Variants in MCF2 observed in about 807,000 individuals in gnomAD.
MCF2 encodes proto-oncogene DBL.
Under a neutral mutation model 82.5 loss-of-function variants are expected in MCF2, and 44 were observed. That is an observed-to-expected ratio of 0.53 (90% confidence interval 0.42 to 0.69). The LOEUF is 0.69. Ranked by LOEUF, MCF2 falls within the 30% of genes least tolerant of loss-of-function variation. MCF2 has a pLI of 0.00. For synonymous variants in MCF2, 217 were observed against 224.9 expected (o/e 0.96, Z 0.32); for missense variants, 623 against 663.1 (o/e 0.94, Z 0.66).
At chrX:139,629,501 G>A (rs781049226) in intron 4 of MCF2, among the ~76,000 whole-genome samples, 194 bp downstream of exon 7, 2 of 111,564 alleles carry the variant, frequency 1.8e-5, no homozygotes, top group African/African-American at 3.3e-5. Context: ...CACCATTTAC[G>A]GAGGGGACAC....
intron 1 of MCF2, among the ~76,000 whole-genome samples, chrX:139,674,301 G>A (rs1353043613): frequency 9.0e-6 from 1 of 111,601 alleles, no homozygotes; most frequent in Non-Finnish European, 1.9e-5. Context: ...TCTTTTAATT[G>A]GAGCATTTAG....
At chrX:139,630,972 T>C (rs1305882147) in intron 3 of MCF2, among the ~76,000 whole-genome samples, 1 of 112,149 alleles carries the variant, frequency 8.9e-6, no homozygotes, top group Non-Finnish European at 1.9e-5. Flanking sequence ...TTAAGATCCC[T>C]GTGAGGTAAG....
upstream of MCF2, chrX:139,646,829 C>A (rs773466407): frequency 4.0e-5 from 47 of 1,180,629 alleles, no homozygotes; most frequent in Non-Finnish European, 5.0e-5. Context: ...TTTGCTATTA[C>A]TTCCTCTGGT....
intron 1 of MCF2, among the ~76,000 whole-genome samples, chrX:139,696,477 G>A (rs1194706351): frequency 1.8e-5 from 2 of 110,861 alleles, no homozygotes; most frequent in South Asian, 3.9e-4. Context: ...AGGCTGGAGC[G>A]CAGTGGCGCA....
chrX:139,581,976 A>G (rs747549426), exon 25 of MCF2: 23 of 124,578 alleles, frequency 1.8e-4, no homozygotes, highest in Admixed American at 4.2e-4. Flanking sequence ...GCCCTGAACA[A>G]AATTTACTCA....
chrX:139,616,595 G>T, intron 8 of MCF2, 122 bp from the exon 12 acceptor site: 3 of 335,908 alleles, frequency 8.9e-6, no homozygotes, highest in Non-Finnish European at 1.5e-5. Context: ...TTTCAGAGCT[G>T]TTAAAAAAAA....
intron 1 of MCF2, among the ~76,000 whole-genome samples, chrX:139,673,083 A>AT (rs1172559256): frequency 2.9e-4 from 32 of 111,296 alleles, no homozygotes; most frequent in African/African-American, 9.8e-4. Context: ...TTTCTTCTAG[A>AT]TTTTCTAGTT....
chrX:139,587,893 G>A (rs930456991), intron 21 of MCF2, 105 bp from the exon 26 acceptor site: 61 of 429,557 alleles, frequency 1.4e-4, no homozygotes, highest in African/African-American at 3.6e-4. Flanking sequence ...ACACACACAC[G>A]CATCCTTGCC....
At position 139,642,612 on chromosome X, in the gene MCF2, G is replaced by C. The variant is rs1447388105; in HGVS notation, c.-94C>G. 5 of 1,197,356 alleles carry C rather than the reference G, an allele frequency of 4.2e-6. No individual in the cohort carries two copies. The African/African-American group carries it at 8.9e-5, about 21-fold the overall frequency. On this transcript the variant is annotated 5_prime_UTR_variant, in exon 1 of 25. Transcript: ENST00000370576. ...TCTTGGGTAGTATTTAAAAACGGCA[G>C]CCAAAAATCTCTATCAAACAAAGCT...
chrX:139,677,494 T>C (rs764969993), intron 1 of MCF2, among the ~76,000 whole-genome samples: 15 of 112,226 alleles, frequency 1.3e-4, no homozygotes, highest in African/African-American at 4.9e-4. Flanking sequence ...GAGGCAAGAA[T>C]TGAGGTTGCT....
chrX:139,656,854 T>TA (rs768947585), intron 1 of MCF2, among the ~76,000 whole-genome samples: 1 of 112,045 alleles, frequency 8.9e-6, no homozygotes, highest in East Asian at 2.8e-4. Flanking sequence ...GCATGAGAAA[T>TA]AAAAAGCCTA....
intron 1 of MCF2, among the ~76,000 whole-genome samples, chrX:139,665,905 A>G (rs1450010861): frequency 3.8e-5 from 3 of 78,235 alleles, no homozygotes; most frequent in African/African-American, 2.1e-4. Flanking sequence ...GTGTATATAT[A>G]TATATATATA....
At chrX:139,700,636 C>A (rs780809947) in intron 1 of MCF2, among the ~76,000 whole-genome samples, 2 of 111,740 alleles carry the variant, frequency 1.8e-5, no homozygotes, top group East Asian at 5.7e-4. Flanking sequence ...GTGGCTGTTG[C>A]TATTTCAGAC....
Position 139,692,233 on chromosome X carries a change from A to G in MCF2, c.-45+15873T>C, listed in dbSNP as rs1935288797. The G allele has an allele frequency of 1.2e-5, 7 of 585,614 alleles. No homozygotes were observed. The South Asian group carries it at 2.1e-4, about 18-fold the overall frequency. 48.3% of individuals were successfully genotyped at this position (585,614 alleles called of 1,213,427 possible). A position where few individuals can be genotyped will look rare whatever the true frequency, so the allele number is the denominator to read the frequency against. On this transcript the variant is annotated intron_variant, in intron 1 of 27. Transcript: ENST00000414978. ...CCGCTACTCCAGCCAGCAGCTGCCC[A>G]GCTCTGACCCGCGCGCCGCCGCTGG... is the stretch of plus-strand genomic sequence containing the variant.
chrX:139,615,506 C>T (rs1160797470), intron 9 of MCF2, among the ~76,000 whole-genome samples: 2 of 111,901 alleles, frequency 1.8e-5, no homozygotes, highest in African/African-American at 6.5e-5. Context: ...CTCAGAGCCA[C>T]CAATGGATAA....
At chrX:139,617,525 T>G in exon 8 of MCF2, 1 of 1,179,040 alleles carries the variant, frequency 8.5e-7, no homozygotes, top group Non-Finnish European at 1.1e-6. Flanking sequence ...GCTGTAGGAG[T>G]TTATGCATTT....
At chrX:139,651,159 ACTCT>A in intron 2 of MCF2, among the ~76,000 whole-genome samples, 1 of 111,174 alleles carries the variant, frequency 9.0e-6, no homozygotes, top group South Asian at 3.8e-4. Context: ...GCTGAACTGT[ACTCT>A]TCAAAATGGT....
chrX:139,584,993 C>A, intron 24 of MCF2, 73 bp downstream of exon 28: 1 of 664,492 alleles, frequency 1.5e-6, no homozygotes, highest in Non-Finnish European at 2.3e-6. Flanking sequence ...CAAAAGATTG[C>A]CCCTATGTGC....
At chrX:139,649,870 T>C (rs922369562) in intron 2 of MCF2, among the ~76,000 whole-genome samples, 1 of 111,495 alleles carries the variant, frequency 9.0e-6, no homozygotes, top group African/African-American at 3.3e-5. Context: ...ACACAGATAA[T>C]CTTAAGTAAA....
Sources: gnomAD v4.1 joint callset for allele counts (sites outside exome capture counted in the v4.1 genomes callset) on GRCh38, gnomAD v4.1.1 for gene constraint, MANE v1.5 for transcripts, NCBI Gene and HGNC (gene_info 2026-07-23, HGNC 2026-07-21) for gene names.